Variants in MAP1B observed in about 807,000 individuals in gnomAD.
MAP1B encodes the protein microtubule associated protein 1B, also known as microtubule-associated protein 1B.
MAP1B carries 12 observed loss-of-function variants against 176.1 expected under a neutral mutation model. The ratio of observed to expected loss-of-function variants is 0.07; its 90% confidence interval spans 0.04 to 0.11. The LOEUF is 0.11. MAP1B is among the 10% of genes least tolerant of loss of function. MAP1B has a pLI of 1.00. For synonymous variants in MAP1B, 1,044 were observed against 1,135.0 expected, an observed-to-expected ratio of 0.92 and a Z score of 1.61; for missense variants, 2,523 against 2,990.5, an observed-to-expected ratio of 0.84 and a Z score of 3.65.
rs1746833829 is a variant in MAP1B at position 72,183,836 on chromosome 5, A to G, written c.369+11A>G. ...GCAGTCAGCACCGAGGTAAGCATTC[A>G]GCTCTGTAGAATCTGGGGCCGGGCC... On this transcript the variant is annotated intron_variant, in intron 3 of 6. Coordinates refer to ENST00000296755, the MANE Select transcript of MAP1B (RefSeq NM_005909.5). 6 of 1,612,890 alleles carry G rather than the reference A, an allele frequency of 3.7e-6. No individual in the cohort carries two copies. Among genetic ancestry groups the G allele is most frequent in the Non-Finnish European group, 5.1e-6 (6 of 1,178,996 alleles).
chr5:72,152,344 G>A (rs538554956), intron 2 of MAP1B, among the ~76,000 whole-genome samples: 34 of 152,206 alleles, frequency 2.2e-4, no homozygotes, highest in African/African-American at 6.5e-4. Flanking sequence ...GTCGGACCCC[G>A]TTCACTCCCC....
chr5:72,195,188 A>G lies in MAP1B; in HGVS notation c.1833A>G (p.Glu611=), dbSNP rs1225061497. The change falls in exon 5 of 7, where the codon GAA becomes GAG. Residue 611 remains glutamate, a synonymous_variant. Coordinates refer to ENST00000296755, the MANE Select transcript of MAP1B (RefSeq NM_005909.5). Reference sequence around the variant, plus strand: ...CTGAAAAGGAGGTTCCCAGCAAAGAAGAGCCATCTCCAGTGAAAGCCGAGG... The same window carrying G: ...CTGAAAAGGAGGTTCCCAGCAAAGAGGAGCCATCTCCAGTGAAAGCCGAGG... The part of the protein sequence containing the change: ...SVTEKEVPSK[E]EPSPVKAEVA... 8 of 1,613,720 alleles carry G rather than the reference A, an allele frequency of 5.0e-6. No homozygotes were observed. Among genetic ancestry groups the G allele is most frequent in the Non-Finnish European group, 6.8e-6 (8 of 1,180,002 alleles).
At chr5:72,166,658 C>T (rs1746435583) in intron 2 of MAP1B, among the ~76,000 whole-genome samples, 1 of 152,226 alleles carries the variant, frequency 6.6e-6, no homozygotes, top group Admixed American at 6.5e-5. Flanking sequence ...AGCTAATCCT[C>T]CCTGTAGAAA....
intron 2 of MAP1B, among the ~76,000 whole-genome samples, chr5:72,175,584 T>G (rs1457671624): frequency 6.6e-6 from 1 of 152,204 alleles, no homozygotes; most frequent in Non-Finnish European, 1.5e-5. Context: ...GTCTTTCACC[T>G]TAACCCTTGA....
intron 2 of MAP1B, among the ~76,000 whole-genome samples, chr5:72,168,462 A>G (rs980528803): frequency 3.9e-5 from 6 of 152,252 alleles, no homozygotes; most frequent in Non-Finnish European, 7.3e-5. Context: ...ATTAGCATAC[A>G]TATGGATCAT....
At position 72,200,130 on chromosome 5, in the gene MAP1B, A is replaced by G; in HGVS notation, c.6775A>G (p.Lys2259Glu). The G allele has an allele frequency of 6.2e-7, 1 of 1,614,240 alleles. No individual in the cohort carries two copies. Among genetic ancestry groups the G allele is most frequent in the South Asian group, 1.1e-5 (1 of 91,084 alleles). The change falls in exon 5 of 7, where the codon AAA becomes GAA. Residue 2259 changes from lysine (K) to glutamate (E), a missense_variant. Lys to Glu is a moderately conservative substitution (Grantham distance 56). Around this residue, in one of 4 missense-constraint regions of MAP1B, gnomAD observed 287 missense variants for 401.5 expected, o/e 0.71. Transcript: ENST00000296755. ...GTKTKSSSPV[K>E]KSDGKSKPLA... ...AAAGACCAAGTCATCTTCACCTGTCAAAAAGAGTGATGGGAAGTCTAAGCC... is the reference window on the plus strand; with the variant it reads ...AAAGACCAAGTCATCTTCACCTGTCGAAAAGAGTGATGGGAAGTCTAAGCC...
intron 2 of MAP1B, among the ~76,000 whole-genome samples, chr5:72,161,717 G>A (rs529572387): frequency 1.3e-5 from 2 of 152,252 alleles, no homozygotes; most frequent in African/African-American, 2.4e-5. Flanking sequence ...AGCACTTTGG[G>A]AGGCTGAGGC....
At chr5:72,133,203 C>A (rs1561294391) in intron 2 of MAP1B, among the ~76,000 whole-genome samples, 1 of 152,164 alleles carries the variant, frequency 6.6e-6, no homozygotes, top group Non-Finnish European at 1.5e-5. Context: ...ATATTACAGA[C>A]CATGACCAGC....
At chr5:72,121,472 G>A (rs1404647687) in intron 2 of MAP1B, among the ~76,000 whole-genome samples, 1 of 152,206 alleles carries the variant, frequency 6.6e-6, no homozygotes, top group East Asian at 1.9e-4. Context: ...AAGAACCGAT[G>A]CCTTTTTCCT....
chr5:72,138,007 C>G (rs1292263799), intron 2 of MAP1B, among the ~76,000 whole-genome samples: 1 of 152,134 alleles, frequency 6.6e-6, no homozygotes, highest in Non-Finnish European at 1.5e-5. Context: ...TGACTTGTTG[C>G]TCTGCTGGTG....
intron 5 of MAP1B, among the ~76,000 whole-genome samples, chr5:72,201,810 A>G (rs1747338877): frequency 6.6e-6 from 1 of 152,254 alleles, no homozygotes; most frequent in Non-Finnish European, 1.5e-5. Flanking sequence ...TTTAAGGCTC[A>G]GTTCTCAGCA....
intron 3 of MAP1B, among the ~76,000 whole-genome samples, chr5:72,185,177 C>T (rs1311175002): frequency 6.6e-6 from 1 of 152,120 alleles, no homozygotes; most frequent in Non-Finnish European, 1.5e-5. Context: ...TATGGATAGC[C>T]CACATCTGTG....
chr5:72,193,350 T>A (rs751315820), intron 4 of MAP1B: 2 of 383,962 alleles, frequency 5.2e-6, no homozygotes, highest in African/African-American at 2.1e-5. Context: ...GCCTTTTTTT[T>A]TTTTTTTTTT....
At chr5:72,152,711 GGCATGA>G (rs1746163693) in intron 2 of MAP1B, among the ~76,000 whole-genome samples, 1 of 152,174 alleles carries the variant, frequency 6.6e-6, no homozygotes, top group Non-Finnish European at 1.5e-5. Context: ...TGGGATTACA[GGCATGA>G]GCCACCGTGC....
chr5:72,129,276 CCGGGT>C (rs1327707547), intron 2 of MAP1B, among the ~76,000 whole-genome samples: 1 of 152,156 alleles, frequency 6.6e-6, no homozygotes, highest in Non-Finnish European at 1.5e-5. Flanking sequence ...GTAAATAGGG[CCGGGT>C]GTGGTGGCTC....
At chr5:72,145,224 A>G (rs1015505479) in intron 2 of MAP1B, among the ~76,000 whole-genome samples, 1 of 152,230 alleles carries the variant, frequency 6.6e-6, no homozygotes, top group African/African-American at 2.4e-5. Flanking sequence ...GTATGAAATG[A>G]TAGAAAGATA....
intron 2 of MAP1B, among the ~76,000 whole-genome samples, chr5:72,118,705 C>T (rs1745474053): frequency 6.6e-6 from 1 of 152,174 alleles, no homozygotes; most frequent in South Asian, 2.1e-4. Context: ...GCCTTGGCCT[C>T]CCAAAGTGCT....
intron 2 of MAP1B, among the ~76,000 whole-genome samples, chr5:72,153,813 C>A (rs1399781776): frequency 1.3e-5 from 2 of 152,138 alleles, no homozygotes; most frequent in African/African-American, 2.4e-5. Flanking sequence ...ACAAAAACGT[C>A]TCCAGGTCTC....
At chr5:72,134,454 T>C (rs1745793530) in intron 2 of MAP1B, among the ~76,000 whole-genome samples, 1 of 152,190 alleles carries the variant, frequency 6.6e-6, no homozygotes, top group African/African-American at 2.4e-5. Flanking sequence ...GATGATGTCA[T>C]TGCATGTCAA....
Sources: allele counts gnomAD v4.1 joint callset (sites outside exome capture counted in the v4.1 genomes callset), GRCh38; gene constraint gnomAD v4.1.1; regional missense constraint gnomAD v4.1.1; transcripts MANE v1.5; gene names NCBI Gene and HGNC (gene_info 2026-07-23, HGNC 2026-07-21).